Variants in ATF7IP observed in about 807,000 individuals in gnomAD.
ATF7IP encodes activating transcription factor 7-interacting protein 1.
ATF7IP carries 23 observed loss-of-function variants against 106.4 expected under a neutral mutation model. That is an observed-to-expected ratio of 0.22 (90% confidence interval 0.16 to 0.31). The LOEUF (loss-of-function observed/expected upper bound fraction) is 0.31, where lower values mean the gene tolerates loss of function less well. Ranked by LOEUF, ATF7IP falls within the 10% of genes least tolerant of loss-of-function variation. The probability of loss-of-function intolerance (pLI) is 1.00; values close to 1 mark genes in which losing one functional copy is unlikely to be tolerated. For missense variants in ATF7IP, 1,334 were observed against 1,524.3 expected, an observed-to-expected ratio of 0.88 and a Z score of 2.08; for synonymous variants, 542 against 539.0, an observed-to-expected ratio of 1.01 and a Z score of -0.08.
intron 1 of ATF7IP, among the ~76,000 whole-genome samples, chr12:14,409,777 G>C (rs538742657): frequency 6.6e-6 from 1 of 151,954 alleles, no homozygotes; most frequent in Non-Finnish European, 1.5e-5. Context: ...AAATGTGAAC[G>C]CTCTAAAGTA....
At chr12:14,475,043 C>T (rs1280913743) in intron 10 of ATF7IP, among the ~76,000 whole-genome samples, 1 of 152,152 alleles carries the variant, frequency 6.6e-6, no homozygotes, top group South Asian at 2.1e-4. Flanking sequence ...TTTAATTTCT[C>T]AACTTGAGTA....
intron 1 of ATF7IP, among the ~76,000 whole-genome samples, chr12:14,380,999 G>C (rs1014235033): frequency 6.6e-6 from 1 of 152,200 alleles, no homozygotes; most frequent in Non-Finnish European, 1.5e-5. Flanking sequence ...ACTGTTAAAT[G>C]TGTTTGGTAA....
intron 1 of ATF7IP, among the ~76,000 whole-genome samples, chr12:14,403,906 G>T (rs1431471444): frequency 6.6e-6 from 1 of 152,164 alleles, no homozygotes; most frequent in Non-Finnish European, 1.5e-5. Flanking sequence ...TACTTGTGAA[G>T]TCTTGTGGCT....
intron 5 of ATF7IP, among the ~76,000 whole-genome samples, chr12:14,443,261 C>G (rs1223154711): frequency 6.6e-6 from 1 of 152,164 alleles, no homozygotes. Flanking sequence ...CCAGATAATT[C>G]TGACAAATCA....
intron 1 of ATF7IP, among the ~76,000 whole-genome samples, chr12:14,402,716 C>T (rs1161924731): frequency 6.6e-6 from 1 of 150,736 alleles, no homozygotes; most frequent in African/African-American, 2.4e-5. Flanking sequence ...TCAAGCGATT[C>T]TCCTGCCTCG....
At chr12:14,416,410 CA>C (rs1334800712) in intron 1 of ATF7IP, among the ~76,000 whole-genome samples, 1 of 147,978 alleles carries the variant, frequency 6.8e-6, no homozygotes, top group Non-Finnish European at 1.5e-5. Flanking sequence ...ATGCCTTTGT[CA>C]AAGATAGAAA....
intron 1 of ATF7IP, among the ~76,000 whole-genome samples, chr12:14,415,619 A>G (rs1941161185): frequency 6.6e-6 from 1 of 151,988 alleles, no homozygotes; most frequent in South Asian, 2.1e-4. Flanking sequence ...GAAAGTGTCA[A>G]ATATTATGAT....
intron 1 of ATF7IP, among the ~76,000 whole-genome samples, chr12:14,393,219 C>T (rs961776234): frequency 2.0e-5 from 3 of 152,050 alleles, no homozygotes; most frequent in African/African-American, 7.2e-5. Context: ...AGGAAGAGAA[C>T]AAAATTAAAA....
intron 13 of ATF7IP, among the ~76,000 whole-genome samples, chr12:14,494,333 A>ATATGTGTG (rs1234871100): frequency 8.4e-4 from 72 of 85,934 alleles, no homozygotes; most frequent in African/African-American, 2.3e-3. Context: ...ATATATATAT[A>ATATGTGTG]TGTGTGTGTG....
intron 1 of ATF7IP, among the ~76,000 whole-genome samples, chr12:14,402,189 A>G (rs1009181411): frequency 1.5e-5 from 2 of 129,130 alleles, no homozygotes; most frequent in African/African-American, 3.0e-5. Context: ...GTGCAGTGGC[A>G]TGATTATAGT....
chr12:14,467,925 T>C (rs1211128398), intron 10 of ATF7IP, among the ~76,000 whole-genome samples: 1 of 152,188 alleles, frequency 6.6e-6, no homozygotes, highest in Non-Finnish European at 1.5e-5. Context: ...GTTTTCATCA[T>C]TGCAAAAAGT....
intron 2 of ATF7IP, among the ~76,000 whole-genome samples, chr12:14,429,588 TA>T (rs982797759): frequency 1.3e-5 from 2 of 152,200 alleles, no homozygotes; most frequent in African/African-American, 4.8e-5. Flanking sequence ...AAAATAAACA[TA>T]AACTGATGCT....
At position 14,499,686 on chromosome 12, in the gene ATF7IP, A is replaced by T. The variant is rs1945112330; in HGVS notation, c.*1613A>T. ...AAGTATATCCCAGAATTAGCTGGGC[A>T]TGTTGGTGCATGCCTGTAATCCCAG... On this transcript the variant is annotated 3_prime_UTR_variant, in exon 15 of 15. Coordinates refer to ENST00000261168, the MANE Select transcript of ATF7IP (RefSeq NM_018179.5). The T allele has an allele frequency of 6.6e-6, 1 of 152,140 alleles. No individual in the cohort carries two copies. Among genetic ancestry groups the T allele is most frequent in the Non-Finnish European group, 1.5e-5 (1 of 68,056 alleles). The allele number at this position is 152,140 out of a possible 1,614,324, so 9.4% of individuals were successfully genotyped here. A position where few individuals can be genotyped will look rare whatever the true frequency, so the allele number is the denominator to read the frequency against.
chr12:14,395,843 T>C (rs1466899487), intron 1 of ATF7IP, among the ~76,000 whole-genome samples: 1 of 152,104 alleles, frequency 6.6e-6, no homozygotes, highest in Non-Finnish European at 1.5e-5. Context: ...ATAAAGTGAT[T>C]TTTAAAAGTC....
At chr12:14,469,220 C>T (rs1051498118) in intron 10 of ATF7IP, among the ~76,000 whole-genome samples, 27 of 151,828 alleles carry the variant, frequency 1.8e-4, no homozygotes, top group African/African-American at 6.0e-4. Context: ...ATTAGCTGGT[C>T]GTGGTGGTGC....
chr12:14,428,897 A>C (rs1264527654), intron 2 of ATF7IP, among the ~76,000 whole-genome samples: 4 of 152,198 alleles, frequency 2.6e-5, no homozygotes, highest in African/African-American at 4.8e-5. Flanking sequence ...GACATTACTG[A>C]ATTGTGACAT....
intron 1 of ATF7IP, among the ~76,000 whole-genome samples, chr12:14,380,114 T>C (rs1437801202): frequency 8.5e-5 from 13 of 152,206 alleles, no homozygotes. Context: ...TCCAGTCCTA[T>C]TGAGTTTTTC....
At chr12:14,483,400 A>G (rs1333869444) in intron 13 of ATF7IP, among the ~76,000 whole-genome samples, 2 of 152,044 alleles carry the variant, frequency 1.3e-5, no homozygotes, top group Non-Finnish European at 2.9e-5. Flanking sequence ...AGTCACCACA[A>G]CCAACACTAA....
intron 8 of ATF7IP, 87 bp from the exon 9 acceptor site, chr12:14,460,408 A>G: frequency 7.7e-7 from 1 of 1,306,644 alleles, no homozygotes; most frequent in Non-Finnish European, 1.1e-6. Context: ...TGTATTACGC[A>G]ATGTATTTAA....
Sources: allele counts gnomAD v4.1 joint callset (sites outside exome capture counted in the v4.1 genomes callset), GRCh38; gene constraint gnomAD v4.1.1; transcripts MANE v1.5; gene names NCBI Gene and HGNC (gene_info 2026-07-23, HGNC 2026-07-21).